Variants in PACS1 observed in about 807,000 individuals in gnomAD.
PACS1 encodes the protein phosphofurin acidic cluster sorting protein 1, also known as PACS-1.
Under a neutral mutation model 115.0 loss-of-function variants are expected in PACS1, and 24 were observed. That is an observed-to-expected ratio of 0.21 (90% CI 0.15 to 0.29). The LOEUF is 0.29. Ranked by LOEUF, PACS1 falls within the 10% of genes least tolerant of loss-of-function variation. The pLI is 1.00. For missense variants in PACS1, 838 were observed against 1,251.2 expected (o/e 0.67, Z 4.98); for synonymous variants, 453 against 504.5 (o/e 0.90, Z 1.37).
chr11:66,092,110 G>A (rs1209504400), intron 1 of PACS1, among the ~76,000 whole-genome samples: 2 of 152,096 alleles, frequency 1.3e-5, no homozygotes, highest in East Asian at 1.9e-4. Context: ...GACTTCCACA[G>A]TGGTTGAACT....
intron 9 of PACS1, 71 bp downstream of exon 9, chr11:66,220,862 T>C: frequency 6.7e-7 from 1 of 1,483,220 alleles, no homozygotes; most frequent in African/African-American, 1.4e-5. Context: ...GACCCCTCCC[T>C]CGCTGTCCCC....
At chr11:66,216,937 G>T in intron 7 of PACS1, 162 bp downstream of exon 7, 1 of 615,338 alleles carries the variant, frequency 1.6e-6, no homozygotes, top group Non-Finnish European at 2.9e-6. Context: ...CGCCCAATTA[G>T]ACTCACTGTT....
chr11:66,225,100 T>A (rs775109718), intron 10 of PACS1, among the ~76,000 whole-genome samples: 1 of 152,228 alleles, frequency 6.6e-6, no homozygotes, highest in Non-Finnish European at 1.5e-5. Flanking sequence ...CAGCCAGGAC[T>A]GCCTGCTGCT....
intron 2 of PACS1, among the ~76,000 whole-genome samples, chr11:66,199,815 C>T (rs1429844294): frequency 2.0e-5 from 3 of 149,846 alleles, no homozygotes; most frequent in Non-Finnish European, 3.0e-5. Flanking sequence ...GTCAGGAGTT[C>T]GAGACCAGCC....
intron 3 of PACS1, among the ~76,000 whole-genome samples, 182 bp from the exon 4 acceptor site, chr11:66,210,952 G>A (rs1855057022): frequency 6.6e-6 from 1 of 152,200 alleles, no homozygotes; most frequent in Non-Finnish European, 1.5e-5. Context: ...CTGTGGCGTA[G>A]AAGCCAGGCA....
intron 10 of PACS1, among the ~76,000 whole-genome samples, chr11:66,224,479 G>A (rs1028470395): frequency 2.6e-5 from 4 of 152,156 alleles, no homozygotes; most frequent in African/African-American, 9.7e-5. Flanking sequence ...TTGACTTACT[G>A]CACACAGAGC....
chr11:66,120,693 C>G (rs1216432020), intron 1 of PACS1, among the ~76,000 whole-genome samples: 1 of 152,156 alleles, frequency 6.6e-6, no homozygotes, highest in Non-Finnish European at 1.5e-5. Flanking sequence ...CCATTTCCTC[C>G]TGGGAATGAT....
chr11:66,123,516 T>A (rs1320301469), intron 1 of PACS1, among the ~76,000 whole-genome samples: 2 of 151,092 alleles, frequency 1.3e-5, no homozygotes, highest in Non-Finnish European at 3.0e-5. Context: ...TATTTTTTTA[T>A]TTTATTTATT....
At chr11:66,215,157 C>T (rs978646318) in intron 4 of PACS1, among the ~76,000 whole-genome samples, 5 of 152,020 alleles carry the variant, frequency 3.3e-5, no homozygotes, top group Admixed American at 6.6e-5. Flanking sequence ...TGGTCTTGAT[C>T]TCCTGACCTC....
intron 1 of PACS1, among the ~76,000 whole-genome samples, chr11:66,158,823 C>G (rs1859421263): frequency 6.6e-6 from 1 of 152,124 alleles, no homozygotes; most frequent in Non-Finnish European, 1.5e-5. Flanking sequence ...ATTTAAAAAG[C>G]AACACAAGAG....
chr11:66,217,512 G>A, intron 7 of PACS1: 1 of 455,942 alleles, frequency 2.2e-6, no homozygotes, highest in Non-Finnish European at 4.4e-6. Flanking sequence ...CCAGTGCAGA[G>A]CTAGCCTAGG....
intron 13 of PACS1, chr11:66,231,721 T>C (rs1590837868): frequency 5.7e-6 from 1 of 175,692 alleles, no homozygotes; most frequent in East Asian, 1.6e-4. Context: ...ATACCTTTTG[T>C]TCCCTCAGAC....
At chr11:66,194,283 A>G (rs913833478) in intron 2 of PACS1, among the ~76,000 whole-genome samples, 3 of 152,100 alleles carry the variant, frequency 2.0e-5, no homozygotes, top group Non-Finnish European at 2.9e-5. Context: ...GAGGTTTTCT[A>G]TAGGGTGGAA....
chr11:66,116,483 A>C (rs1858308647), intron 1 of PACS1, among the ~76,000 whole-genome samples: 1 of 152,236 alleles, frequency 6.6e-6, no homozygotes, highest in African/African-American at 2.4e-5. Flanking sequence ...ATGAGACATA[A>C]AGTTCATTTA....
At chr11:66,150,481 AAG>A (rs1554982508) in intron 1 of PACS1, among the ~76,000 whole-genome samples, 4 of 151,916 alleles carry the variant, frequency 2.6e-5, no homozygotes, top group East Asian at 1.9e-4. Context: ...AGAAAAAAAA[AAG>A]AAACATTTTA....
chr11:66,191,457 C>A (rs1854520993), intron 1 of PACS1, among the ~76,000 whole-genome samples: 1 of 152,130 alleles, frequency 6.6e-6, no homozygotes, highest in Admixed American at 6.5e-5. Flanking sequence ...TGGTCCACCA[C>A]AAAGAGATTA....
At chr11:66,168,830 G>C (rs1005326495) in intron 1 of PACS1, among the ~76,000 whole-genome samples, 2 of 147,572 alleles carry the variant, frequency 1.4e-5, no homozygotes, top group African/African-American at 5.2e-5. Flanking sequence ...TAAATTCTTT[G>C]TTGCTGGTGT....
At chr11:66,123,189 CTT>C (rs36008667) in intron 1 of PACS1, among the ~76,000 whole-genome samples, 10 of 137,636 alleles carry the variant, frequency 7.3e-5, no homozygotes, top group East Asian at 2.1e-4. Flanking sequence ...AAATTGTTAG[CTT>C]TTTTTTTTTT....
At chr11:66,193,432 C>T in intron 1 of PACS1, 54 bp from the exon 2 acceptor site, 2 of 1,279,198 alleles carry the variant, frequency 1.6e-6, no homozygotes, top group Non-Finnish European at 1.1e-6. Context: ...TTGTTCATCA[C>T]TTTTCTCGCA....
Sources: allele counts gnomAD v4.1 joint callset (sites outside exome capture counted in the v4.1 genomes callset), GRCh38; gene constraint gnomAD v4.1.1; transcripts MANE v1.5; gene names NCBI Gene and HGNC (gene_info 2026-07-23, HGNC 2026-07-21).